DCAF6: variants seen among roughly 807,000 people sequenced by gnomAD.
DCAF6 encodes DDB1 and CUL4 associated factor 6.
Under a neutral mutation model 125.1 loss-of-function variants are expected in DCAF6, and 54 were observed. That is an observed-to-expected ratio of 0.43 (90% confidence interval 0.35 to 0.54). The LOEUF (loss-of-function observed/expected upper bound fraction) is 0.54. DCAF6 is among the 20% of genes least tolerant of loss of function. The pLI is 0.01. For synonymous variants in DCAF6, 371 were observed against 390.4 expected, an observed-to-expected ratio of 0.95 and a Z score of 0.58; for missense variants, 934 against 1,161.7, an observed-to-expected ratio of 0.80 and a Z score of 2.85.
the DCAF6 span, among the ~76,000 whole-genome samples, chr1:167,887,428 A>G: frequency 6.6e-6 from 1 of 152,224 alleles, no homozygotes; most frequent in Non-Finnish European, 1.5e-5. Context: ...CATCATTCTG[A>G]GCAAACTATC....
In DCAF6 at chr1:168,045,402, C is replaced by T. The variant is rs113873712; in HGVS notation, c.2258+175C>T. Among the ~76,000 whole-genome samples, 804 of 152,268 alleles carry T rather than the reference C, an allele frequency of 5.3e-3. 4 individuals carry two copies. The highest frequency in any genetic ancestry group is 0.018 in the African/African-American group (760 of 41,562). On this transcript the variant is annotated intron_variant, in intron 16 of 21. Coordinates refer to ENST00000367840, the MANE Select transcript of DCAF6 (RefSeq NM_001198956.2). ...TGTAAATGATTTTACGTATTATATT[C>T]TTTGAGCACTGTGCATTAATAGGGA...
At chr1:167,951,257 C>A (rs947325824) in intron 1 of DCAF6, among the ~76,000 whole-genome samples, 1 of 152,112 alleles carries the variant, frequency 6.6e-6, no homozygotes, top group African/African-American at 2.4e-5. Context: ...GGTCCAGATA[C>A]TGTGCTAAGC....
intron 12 of DCAF6, among the ~76,000 whole-genome samples, chr1:168,035,490 G>C (rs1687689466): frequency 6.6e-6 from 1 of 151,870 alleles, no homozygotes; most frequent in African/African-American, 2.4e-5. Flanking sequence ...GAAGAAACCA[G>C]GTTCTTCATT....
At chr1:168,011,363 G>A (rs1684261813) in intron 10 of DCAF6, among the ~76,000 whole-genome samples, 2 of 151,934 alleles carry the variant, frequency 1.3e-5, no homozygotes, top group African/African-American at 2.4e-5. Flanking sequence ...TGATCCACCC[G>A]CCTTGGCCTC....
intron 7 of DCAF6, among the ~76,000 whole-genome samples, chr1:167,999,377 C>T (rs545973042): frequency 6.6e-6 from 1 of 152,296 alleles, no homozygotes; most frequent in African/African-American, 2.4e-5. Context: ...TGCTTAATGT[C>T]ACCACTGCAT....
chr1:167,885,649 C>A, the DCAF6 span, among the ~76,000 whole-genome samples: 14 of 152,006 alleles, frequency 9.2e-5, no homozygotes, highest in Admixed American at 5.9e-4. Context: ...CGGAGTCTCA[C>A]TCTGTCACCT....
At chr1:167,985,970 T>C (rs763974355) in intron 4 of DCAF6, among the ~76,000 whole-genome samples, 12 of 152,238 alleles carry the variant, frequency 7.9e-5, no homozygotes, top group Non-Finnish European at 1.6e-4. Context: ...GGAATCATAC[T>C]GTGCCTTCTC....
the DCAF6 span, among the ~76,000 whole-genome samples, chr1:167,927,318 A>G: frequency 6.6e-6 from 1 of 152,208 alleles, no homozygotes; most frequent in African/African-American, 2.4e-5. Flanking sequence ...CATTAATCCT[A>G]TAAGTCAGTC....
chr1:167,872,698 T>A, the DCAF6 span, among the ~76,000 whole-genome samples: 1 of 150,696 alleles, frequency 6.6e-6, no homozygotes, highest in Non-Finnish European at 1.5e-5. Flanking sequence ...TGGTTATAGC[T>A]TGAAGGAAAG....
chr1:167,880,264 G>A, the DCAF6 span: 1 of 1,297,866 alleles, frequency 7.7e-7, no homozygotes, highest in Non-Finnish European at 1.1e-6. Flanking sequence ...GGAAGGGTGG[G>A]AAATAATGTC....
the DCAF6 span, among the ~76,000 whole-genome samples, chr1:167,897,004 A>C: frequency 6.6e-6 from 1 of 152,120 alleles, no homozygotes; most frequent in African/African-American, 2.4e-5. Context: ...TTTTAATTCA[A>C]ATAAAACCTG....
chr1:168,050,863 G>T, intron 16 of DCAF6, 29 bp from the exon 17 acceptor site: 1 of 1,269,044 alleles, frequency 7.9e-7, no homozygotes, highest in Non-Finnish European at 1.0e-6. Context: ...CTTTGTAAGT[G>T]ATTTCAGTTA....
At chr1:167,952,452 G>A (rs12240018) in intron 2 of DCAF6, among the ~76,000 whole-genome samples, 2,815 of 152,060 alleles carry the variant, frequency 0.019, 80 homozygotes, top group African/African-American at 0.064. Context: ...ATCTGACCTC[G>A]TGATCCTCCT....
chr1:167,982,281 C>T (rs1036429798), intron 4 of DCAF6, among the ~76,000 whole-genome samples: 4 of 151,934 alleles, frequency 2.6e-5, no homozygotes, highest in East Asian at 3.9e-4. Flanking sequence ...CTCGCTTCAT[C>T]GCCAGGCTGG....
intron 3 of DCAF6, among the ~76,000 whole-genome samples, 165 bp downstream of exon 3, chr1:167,966,886 C>G (rs1453748481): frequency 6.6e-6 from 1 of 152,014 alleles, no homozygotes; most frequent in African/African-American, 2.4e-5. Flanking sequence ...ACATGTGGGT[C>G]TCTTAGATTA....
At chr1:167,983,817 G>C (rs1361410557) in intron 4 of DCAF6, among the ~76,000 whole-genome samples, 1 of 152,124 alleles carries the variant, frequency 6.6e-6, no homozygotes, top group Non-Finnish European at 1.5e-5. Flanking sequence ...AATCATTGCT[G>C]TTGATTATTT....
intron 2 of DCAF6, among the ~76,000 whole-genome samples, chr1:167,954,096 T>A (rs1674392240): frequency 6.6e-6 from 1 of 152,070 alleles, no homozygotes; most frequent in African/African-American, 2.4e-5. Flanking sequence ...AACCTCCACC[T>A]CCTGGGTTCA....
chr1:167,992,200 C>T (rs1321167470), intron 6 of DCAF6, among the ~76,000 whole-genome samples: 1 of 150,740 alleles, frequency 6.6e-6, no homozygotes, highest in Non-Finnish European at 1.5e-5. Flanking sequence ...CCAAAATAAA[C>T]AATTAGAAGT....
At position 168,058,886 on chromosome 1, in the gene DCAF6, CT is replaced by C. The variant is rs1691242817; in HGVS notation, c.2301-4734del. 2.0e-5 allele frequency among the ~76,000 whole-genome samples: 3 copies of C among 152,108 alleles called. No homozygotes were observed. In the South Asian group the frequency reaches 6.2e-4, roughly 31 times the overall value. ...CACCCGGTCCTGATCTGGTTTTCTACTGGGTTGTTTTAATTGAGTTGTTTTT... is the reference window on the plus strand; with the variant it reads ...CACCCGGTCCTGATCTGGTTTTCTACGGGTTGTTTTAATTGAGTTGTTTTT... On this transcript the variant is annotated intron_variant, in intron 17 of 21. Coordinates refer to ENST00000367840, the MANE Select transcript of DCAF6 (RefSeq NM_001198956.2).
Sources: gnomAD v4.1 joint callset for allele counts (sites outside exome capture counted in the v4.1 genomes callset) on GRCh38, gnomAD v4.1.1 for gene constraint, MANE v1.5 for transcripts, NCBI Gene and HGNC (gene_info 2026-07-23, HGNC 2026-07-21) for gene names.